Variants in KIRREL1 observed in about 807,000 individuals in gnomAD.
KIRREL1 encodes kin of IRRE-like protein 1.
KIRREL1 carries 25 observed loss-of-function variants against 83.3 expected under a neutral mutation model. The observed-to-expected ratio is 0.30, with a 90% CI of 0.22 to 0.42. KIRREL1 has a LOEUF of 0.42. Ranked by LOEUF, KIRREL1 falls within the 10% of genes least tolerant of loss-of-function variation. KIRREL1 has a pLI of 1.00. For synonymous variants in KIRREL1, 388 were observed against 410.4 expected, an observed-to-expected ratio of 0.95 and a Z score of 0.66; for missense variants, 812 against 1,032.3, an observed-to-expected ratio of 0.79 and a Z score of 2.92.
rs1662370767 is a variant in KIRREL1 at position 158,096,948 on chromosome 1, C to A, written c.*1828C>A. 8.8e-6 allele frequency: 4 copies of A among 456,804 alleles called. No individual in the cohort carries two copies. The Middle Eastern group carries it at 1.3e-3, about 149-fold the overall frequency. The allele number at this position is 456,804 out of a possible 1,614,324, so 28.3% of individuals were successfully genotyped here. A position where few individuals can be genotyped will look rare whatever the true frequency, so the allele number is the denominator to read the frequency against. On this transcript the variant is annotated 3_prime_UTR_variant, in exon 15 of 15. Coordinates refer to ENST00000359209, the MANE Select transcript of KIRREL1 (RefSeq NM_018240.7). The stretch of plus-strand genomic sequence containing the variant: ...CTTATCAGCCACAGGCCATTACCAC[C>A]CTTATGGATGGGTCTGGGGGGCGAC...
At chr1:158,017,422 T>C (rs949235120) in intron 1 of KIRREL1, among the ~76,000 whole-genome samples, 2 of 152,176 alleles carry the variant, frequency 1.3e-5, no homozygotes, top group Non-Finnish European at 2.9e-5. Context: ...CCTAGCGCAG[T>C]GGCTCACGCC....
At chr1:158,009,858 A>C (rs370861952) in intron 1 of KIRREL1, among the ~76,000 whole-genome samples, 30 of 152,312 alleles carry the variant, frequency 2.0e-4, no homozygotes, top group Middle Eastern at 3.4e-3. Context: ...AAAGGGTTAA[A>C]CATATCACAT....
chr1:158,054,236 A>G (rs989804788), intron 1 of KIRREL1, among the ~76,000 whole-genome samples: 31 of 146,402 alleles, frequency 2.1e-4, no homozygotes, highest in African/African-American at 6.9e-4. Context: ...AAAAAAAAAA[A>G]AGAGAAGAAA....
At chr1:158,078,362 C>T (rs34648101) in intron 3 of KIRREL1, among the ~76,000 whole-genome samples, 11,676 of 152,162 alleles carry the variant, frequency 0.077, 602 homozygotes, top group Non-Finnish European at 0.12. Context: ...CCAGCATCCT[C>T]TCTGCCGCAG....
Position 158,097,218 on chromosome 1 carries a change from G to A in KIRREL1, c.*2098G>A, listed in dbSNP as rs144781522. ...GGTCTGTCAAGAAATTCAGGTTCTTGTACAGACAAATTCATGCAAATTTCT... is the reference window on the plus strand; with the variant it reads ...GGTCTGTCAAGAAATTCAGGTTCTTATACAGACAAATTCATGCAAATTTCT... On this transcript the variant is annotated 3_prime_UTR_variant, in exon 15 of 15. Coordinates refer to ENST00000359209, the MANE Select transcript of KIRREL1 (RefSeq NM_018240.7). 3.5e-4 allele frequency: 124 copies of A among 349,470 alleles called. 1 individual carries two copies. The Middle Eastern group carries it at 6.2e-3, about 18-fold the overall frequency. 21.6% of individuals were successfully genotyped at this position (349,470 alleles called of 1,614,324 possible).
At chr1:158,064,834 C>T (rs977544083) in intron 1 of KIRREL1, among the ~76,000 whole-genome samples, 1 of 152,034 alleles carries the variant, frequency 6.6e-6, no homozygotes, top group Admixed American at 6.6e-5. Context: ...CCCATACCTT[C>T]CCGTATTAGT....
intron 1 of KIRREL1, among the ~76,000 whole-genome samples, chr1:158,033,046 C>G (rs540534395): frequency 1.1e-4 from 16 of 152,238 alleles, no homozygotes; most frequent in African/African-American, 3.9e-4. Flanking sequence ...GCTGGGATTA[C>G]AGGCCTGAGC....
chr1:158,057,805 T>C (rs1372314145), intron 1 of KIRREL1, among the ~76,000 whole-genome samples: 1 of 152,186 alleles, frequency 6.6e-6, no homozygotes, highest in Non-Finnish European at 1.5e-5. Flanking sequence ...GGATTTCTAG[T>C]TTCTAGCAGT....
At chr1:158,003,705 G>A (rs1161265007) in intron 1 of KIRREL1, among the ~76,000 whole-genome samples, 1 of 152,116 alleles carries the variant, frequency 6.6e-6, no homozygotes, top group African/African-American at 2.4e-5. Context: ...CATCTGGGAA[G>A]TCTCCCTTCA....
chr1:158,063,875 G>A (rs534890104), intron 1 of KIRREL1, among the ~76,000 whole-genome samples: 10 of 152,306 alleles, frequency 6.6e-5, no homozygotes, highest in Non-Finnish European at 1.5e-4. Context: ...GCACTGTATG[G>A]ACTTGGTGCT....
At chr1:158,063,810 T>C (rs1290505789) in intron 1 of KIRREL1, among the ~76,000 whole-genome samples, 1 of 152,212 alleles carries the variant, frequency 6.6e-6, no homozygotes, top group Non-Finnish European at 1.5e-5. Context: ...TCCTACAGGA[T>C]TCGTTCCTGC....
chr1:158,019,965 C>T (rs1051026638), intron 1 of KIRREL1, among the ~76,000 whole-genome samples: 1 of 152,022 alleles, frequency 6.6e-6, no homozygotes, highest in Non-Finnish European at 1.5e-5. Flanking sequence ...TGCTGTGGCC[C>T]GGGATAAGCA....
At chr1:158,022,948 C>A (rs1660043274) in intron 1 of KIRREL1, among the ~76,000 whole-genome samples, 4 of 152,202 alleles carry the variant, frequency 2.6e-5, no homozygotes, top group Admixed American at 2.0e-4. Flanking sequence ...CCAGGAGCAA[C>A]TAGAGTGACC....
chr1:157,994,963 C>T (rs1429762654), intron 1 of KIRREL1, among the ~76,000 whole-genome samples: 6 of 152,314 alleles, frequency 3.9e-5, no homozygotes, highest in South Asian at 4.1e-4. Flanking sequence ...ACAGGACACA[C>T]GCTCTCACAG....
chr1:158,068,619 TCCTC>T (rs928270451), intron 1 of KIRREL1, among the ~76,000 whole-genome samples: 1 of 152,098 alleles, frequency 6.6e-6, no homozygotes, highest in Non-Finnish European at 1.5e-5. Flanking sequence ...TCCCCTCCCT[TCCTC>T]CCTCCTTCTT....
chr1:158,001,141 TTCTGAGGCAG>T lies in KIRREL1; in HGVS notation c.52+7421_52+7430del, dbSNP rs1441184552. On this transcript the variant is annotated intron_variant, in intron 1 of 14. Coordinates refer to ENST00000359209, the MANE Select transcript of KIRREL1 (RefSeq NM_018240.7). ...CCTTTTCTTTTTGCCCCTTCTTTCC[TTCTGAGGCAG>T]TCTGAGGAATATATCTTCACTGAAA... 2.0e-5 allele frequency among the ~76,000 whole-genome samples: 3 copies of T among 152,212 alleles called. No individual in the cohort carries two copies. In the East Asian group the frequency reaches 5.8e-4, roughly 29 times the overall value.
intron 1 of KIRREL1, among the ~76,000 whole-genome samples, chr1:158,037,124 C>T (rs1400978288): frequency 6.6e-6 from 1 of 152,160 alleles, no homozygotes. Context: ...GTCCTGGACA[C>T]CTGGGTTCTA....
At chr1:158,063,480 G>A (rs143979353) in intron 1 of KIRREL1, among the ~76,000 whole-genome samples, 277 of 152,176 alleles carry the variant, frequency 1.8e-3, no homozygotes, top group African/African-American at 6.3e-3. Context: ...CATCAGCATG[G>A]GCTACCACTG....
Position 158,096,148 on chromosome 1 carries a change from ATTC to A in KIRREL1, c.*1033_*1035del, listed in dbSNP as rs1250253318. The A allele has an allele frequency of 5.8e-6, 1 of 171,332 alleles. No individual in the cohort carries two copies. Among genetic ancestry groups the A allele is most frequent in the Admixed American group, 5.6e-5 (1 of 17,712 alleles). The allele number at this position is 171,332 out of a possible 1,614,324, so 10.6% of individuals were successfully genotyped here. A position where few individuals can be genotyped will look rare whatever the true frequency, so the allele number is the denominator to read the frequency against. Reference sequence around the variant, plus strand: ...CCAGTGGAAAGGAAAGGTAGTACCTATTCTTCTCCATGGGGTTCCTAACACCCT... The same window carrying A: ...CCAGTGGAAAGGAAAGGTAGTACCTATTCTCCATGGGGTTCCTAACACCCT... On this transcript the variant is annotated 3_prime_UTR_variant, in exon 15 of 15. Coordinates refer to ENST00000359209, the MANE Select transcript of KIRREL1 (RefSeq NM_018240.7).
Sources: allele counts gnomAD v4.1 joint callset (sites outside exome capture counted in the v4.1 genomes callset), GRCh38; gene constraint gnomAD v4.1.1; transcripts MANE v1.5; gene names NCBI Gene and HGNC (gene_info 2026-07-23, HGNC 2026-07-21).